The following CCDC33 variants were observed in gnomAD, a reference collection of about 807,000 sequenced individuals.
The protein encoded by CCDC33 is coiled-coil domain containing 33, also known as coiled-coil domain-containing protein 33.
A neutral mutation model predicts 91.9 loss-of-function variants in CCDC33; 94 were observed. The observed-to-expected ratio is 1.02, with a 90% CI of 0.87 to 1.21. The LOEUF (loss-of-function observed/expected upper bound fraction) is 1.21, where lower values mean the gene tolerates loss of function less well. Among genes scored for constraint, CCDC33 ranks in the 50% most tolerant of loss-of-function variants. The probability of loss-of-function intolerance (pLI) is 0.00; values close to 1 mark genes in which losing one functional copy is unlikely to be tolerated. For synonymous variants in CCDC33, 396 were observed against 374.5 expected, an observed-to-expected ratio of 1.06 and a Z score of -0.66; for missense variants, 940 against 935.5, an observed-to-expected ratio of 1.00 and a Z score of -0.06.
chr15:74,252,156 C>T (rs1380894027), intron 2 of CCDC33, among the ~76,000 whole-genome samples: 3 of 152,146 alleles, frequency 2.0e-5, no homozygotes, highest in African/African-American at 4.8e-5. Flanking sequence ...TATTTCATGC[C>T]GTGGTTACCC....
At chr15:74,235,448 C>T (rs1181382562), upstream of CCDC33, among the ~76,000 whole-genome samples, 2 of 152,194 alleles carry the variant, frequency 1.3e-5, no homozygotes, top group Admixed American at 6.5e-5. Flanking sequence ...GAATCTCCAA[C>T]TTGGGGCCCA....
intron 6 of CCDC33, among the ~76,000 whole-genome samples, chr15:74,272,469 G>A (rs2076343667): frequency 6.6e-6 from 1 of 152,222 alleles, no homozygotes; most frequent in Admixed American, 6.5e-5. Flanking sequence ...ACTCCTGGGA[G>A]TCAGGGTCTG....
chr15:74,331,983 T>A (rs1374388188), intron 15 of CCDC33, among the ~76,000 whole-genome samples: 4 of 152,136 alleles, frequency 2.6e-5, no homozygotes, highest in Admixed American at 6.5e-5. Flanking sequence ...TGAGCCAAGA[T>A]TGTGCCACTG....
chr15:74,231,465 A>G (rs1385135367), upstream of CCDC33, among the ~76,000 whole-genome samples: 1 of 152,186 alleles, frequency 6.6e-6, no homozygotes, highest in Non-Finnish European at 1.5e-5. Flanking sequence ...CCGCAGAGCC[A>G]TTGGTCTGGC....
intron 1 of CCDC33, among the ~76,000 whole-genome samples, chr15:74,203,781 G>A (rs2074184353): frequency 6.6e-6 from 1 of 152,190 alleles, no homozygotes; most frequent in Admixed American, 6.5e-5. Context: ...TCTGTACCAT[G>A]GGAAACCAAA....
At chr15:74,303,565 C>T (rs2059835282) in intron 11 of CCDC33, 1 of 153,126 alleles carries the variant, frequency 6.5e-6, no homozygotes, top group African/African-American at 2.4e-5. Flanking sequence ...GCTGTGTCCC[C>T]TCAGTCTCCG....
chr15:74,276,576 G>A (rs1007058418), intron 7 of CCDC33, among the ~76,000 whole-genome samples: 1 of 152,124 alleles, frequency 6.6e-6, no homozygotes, highest in African/African-American at 2.4e-5. Context: ...CATTCTCTGA[G>A]GAGCAGCCAG....
intron 1 of CCDC33, among the ~76,000 whole-genome samples, chr15:74,203,430 C>A (rs1465882488): frequency 1.3e-5 from 2 of 152,180 alleles, no homozygotes; most frequent in Admixed American, 1.3e-4. Flanking sequence ...CTGCCCCAGC[C>A]TGGAGGAAGG....
At chr15:74,330,950 C>A in intron 13 of CCDC33, 31 bp from the exon 14 acceptor site, 1 of 1,560,128 alleles carries the variant, frequency 6.4e-7, no homozygotes, top group Non-Finnish European at 8.7e-7. Context: ...GGCACCCATT[C>A]TCTCCCCTTC....
At chr15:74,268,498 G>T in intron 5 of CCDC33, 40 bp downstream of exon 5, 1 of 1,429,496 alleles carries the variant, frequency 7.0e-7, no homozygotes, top group South Asian at 1.2e-5. Context: ...GGTGGGGGTG[G>T]GAAAGGGCCA....
In CCDC33 at chr15:74,209,444, C is replaced by A. The variant is rs750020524; in HGVS notation, n.146C>A. 4 of 1,535,408 alleles carry A rather than the reference C, an allele frequency of 2.6e-6. No individual in the cohort carries two copies. The African/African-American group carries it at 4.1e-5, about 16-fold the overall frequency. ...AACCACCAGCTCGGCTCTTAATAAC[C>A]GGATCTGCATCCTGCTGCTGCCCAG... is the stretch of plus-strand genomic sequence containing the variant. On this transcript the variant is annotated non_coding_transcript_exon_variant, in exon 2 of 4. Transcript: ENST00000558645.
Position 74,333,881 on chromosome 15 carries a change from G to T in CCDC33, c.1939G>T (p.Asp647Tyr), listed in dbSNP as rs768015197. The change falls in exon 17 of 19, where the codon GAT becomes TAT. Residue 647 changes from aspartate to tyrosine, a missense_variant and splice_region_variant. By Grantham distance (160) the Asp-to-Tyr change is radical. Coordinates refer to ENST00000398814, the MANE Select transcript of CCDC33 (RefSeq NM_025055.5). ...ATGTGAGTTTGTGCTTTGCCCACAGGATCTCCTCTCTGGTACTTCAGACAA... is the reference window on the plus strand; with the variant it reads ...ATGTGAGTTTGTGCTTTGCCCACAGTATCTCCTCTCTGGTACTTCAGACAA... ...PIILQQQALP[D>Y]LLSGTSDKFN... 1.2e-6 allele frequency: 2 copies of T among 1,612,930 alleles called. No homozygotes were observed. The highest frequency in any genetic ancestry group is 1.7e-6 in the Non-Finnish European group (2 of 1,179,206).
chr15:74,234,909 TG>T (rs1486236623), upstream of CCDC33, among the ~76,000 whole-genome samples: 1 of 152,242 alleles, frequency 6.6e-6, no homozygotes, highest in Non-Finnish European at 1.5e-5. Context: ...CCTAGGCACC[TG>T]GCTTGCATCT....
chr15:74,253,081 C>G (rs1050526874), intron 2 of CCDC33, among the ~76,000 whole-genome samples: 3 of 152,196 alleles, frequency 2.0e-5, no homozygotes, highest in African/African-American at 4.8e-5. Context: ...AGTTCTCCCC[C>G]ACAGGCTTCT....
intron 1 of CCDC33, chr15:74,207,718 A>G: frequency 6.5e-7 from 1 of 1,535,706 alleles, no homozygotes; most frequent in South Asian, 1.2e-5. Context: ...AGTCCCCTTG[A>G]GAGTCCATGA....
At chr15:74,273,254 T>C (rs573744353) in intron 7 of CCDC33, among the ~76,000 whole-genome samples, 3 of 152,300 alleles carry the variant, frequency 2.0e-5, no homozygotes, top group Non-Finnish European at 4.4e-5. Flanking sequence ...AGAGTCAGAA[T>C]GTAGAACAGT....
At chr15:74,263,701 G>C (rs573073721) in intron 3 of CCDC33, among the ~76,000 whole-genome samples, 252 of 152,332 alleles carry the variant, frequency 1.7e-3, no homozygotes, top group Non-Finnish European at 3.1e-3. Context: ...GTGAATGCCT[G>C]CATGCTGGTT....
In CCDC33 at chr15:74,335,954, G is replaced by A; in HGVS notation, c.2169G>A (p.Lys723=). ...CCCTCACCCACTCCATGGACCTCAAGCAGCCCTCAGAGCTGGAGCCCCTGC... is the reference window on the plus strand; with the variant it reads ...CCCTCACCCACTCCATGGACCTCAAACAGCCCTCAGAGCTGGAGCCCCTGC... ...PSALTHSMDL[K]QPSELEPLLP... is the part of the protein sequence containing the mutation. Residue 723 remains lysine, a synonymous_variant, in exon 19 of 19, where the codon AAG becomes AAA. Transcript: ENST00000398814. The A allele has an allele frequency of 6.2e-7, 1 of 1,613,862 alleles. No homozygotes were observed. Among genetic ancestry groups the A allele is most frequent in the Non-Finnish European group, 8.5e-7 (1 of 1,179,990 alleles).
rs143154014 is a variant in CCDC33, at chr15:74,225,050, G to A, written c.675+6189G>A. Among the ~76,000 whole-genome samples the A allele has an allele frequency of 2.0e-5, 3 of 151,986 alleles. No individual in the cohort carries two copies. In the East Asian group the frequency reaches 5.8e-4, roughly 29 times the overall value. ...ACCGAACACACCAGATGGCCCTGCT[G>A]TCCTCCTTCATCTCTGCCTTTCCTC... On this transcript the variant is annotated intron_variant, in intron 2 of 2. Coordinates refer to the CCDC33 transcript ENST00000635913.
Sources: allele counts gnomAD v4.1 joint callset (sites outside exome capture counted in the v4.1 genomes callset), GRCh38; gene constraint gnomAD v4.1.1; transcripts MANE v1.5; gene names NCBI Gene and HGNC (gene_info 2026-07-23, HGNC 2026-07-21).